ALDH3A2: variants seen among roughly 807,000 people sequenced by gnomAD.
ALDH3A2 encodes the protein aldehyde dehydrogenase 3 family member A2.
In ALDH3A2, 36 loss-of-function variants were observed where a neutral mutation model predicts 51.3. The observed-to-expected ratio is 0.70, with a 90% CI of 0.54 to 0.93. The LOEUF (loss-of-function observed/expected upper bound fraction) is 0.93. ALDH3A2 is among the 40% of genes least tolerant of loss of function. The pLI, the probability that ALDH3A2 is intolerant of heterozygous loss-of-function variation, is 0.00. For missense variants in ALDH3A2, 552 were observed against 603.1 expected, an observed-to-expected ratio of 0.92 and a Z score of 0.89; for synonymous variants, 199 against 219.8, an observed-to-expected ratio of 0.91 and a Z score of 0.84.
chr17:19,669,495 G>A (rs1242579235), intron 8 of ALDH3A2, among the ~76,000 whole-genome samples: 1 of 152,052 alleles, frequency 6.6e-6, no homozygotes, highest in Non-Finnish European at 1.5e-5. Context: ...CTCATTGGTT[G>A]CATTATCTTT....
chr17:19,656,213 C>T, intron 3 of ALDH3A2, 153 bp from the exon 4 acceptor site: 1 of 752,444 alleles, frequency 1.3e-6, no homozygotes, highest in East Asian at 2.7e-5. Context: ...TCCTCTTGTC[C>T]TTGGTCAGTT....
At chr17:19,663,583 C>A in intron 7 of ALDH3A2, 84 bp downstream of exon 7, 4 of 1,435,280 alleles carry the variant, frequency 2.8e-6, no homozygotes, top group Non-Finnish European at 3.9e-6. Flanking sequence ...ATGCAAAAAA[C>A]AATGTGAAAC....
At chr17:19,651,113 GA>G (rs1216539685) in intron 1 of ALDH3A2, among the ~76,000 whole-genome samples, 7 of 152,348 alleles carry the variant, frequency 4.6e-5, no homozygotes, top group African/African-American at 1.4e-4. Flanking sequence ...ATACACAGAT[GA>G]AATGTGAGTG....
chr17:19,651,299 C>T (rs1014391265), intron 1 of ALDH3A2, among the ~76,000 whole-genome samples: 2 of 152,174 alleles, frequency 1.3e-5, no homozygotes, highest in African/African-American at 4.8e-5. Context: ...GAAGGATTTA[C>T]TAATGGTATT....
Position 19,665,048 on chromosome 17 carries a change from G to A in ALDH3A2, c.1207+1G>A. 1.9e-6 allele frequency: 3 copies of A among 1,612,224 alleles called. No homozygotes were observed. Among genetic ancestry groups the A allele is most frequent in the Non-Finnish European group, 2.5e-6 (3 of 1,178,346 alleles). On this transcript the variant is annotated splice_donor_variant, in intron 8 of 9. Transcript: ENST00000176643. LOFTEE classifies it high-confidence loss of function. ...AACTCTTTCCCATTTGGAGGAGTGG[G>A]TGAGTCTTATTTTCTCCTGCTTGTA...
At chr17:19,651,905 T>C (rs2084821516) in intron 2 of ALDH3A2, 127 bp downstream of exon 2, 1 of 859,628 alleles carries the variant, frequency 1.2e-6, no homozygotes, top group Non-Finnish European at 1.9e-6. Context: ...ACACCACCAG[T>C]GTACTGAGAA....
In ALDH3A2 at chr17:19,677,246, G is replaced by GAAT. The variant is rs1478481335; in HGVS notation, c.*1678_*1680dup. 1.3e-4 allele frequency: 20 copies of GAAT among 152,304 alleles called. No homozygotes were observed. The highest frequency in any genetic ancestry group is 4.3e-4 in the African/African-American group (18 of 41,574). The allele number at this position is 152,304 out of a possible 1,614,324, so 9.4% of individuals were successfully genotyped here. A position where few individuals can be genotyped will look rare whatever the true frequency, so the allele number is the denominator to read the frequency against. On this transcript the variant is annotated 3_prime_UTR_variant, in exon 10 of 10. Coordinates refer to ENST00000176643, the MANE Select transcript of ALDH3A2 (RefSeq NM_000382.3). ...TATAGAACGTATAATCAACTTTGTT[G>GAAT]AATAATTTGTTCTATTAAGGCTGTC...
chr17:19,675,312 G>C (rs1441253248), intron 9 of ALDH3A2: 1 of 544,724 alleles, frequency 1.8e-6, no homozygotes, highest in African/African-American at 1.9e-5. Context: ...ACAGAATATA[G>C]CCTTCATTAT....
In ALDH3A2 at chr17:19,658,137, C is replaced by T. The variant is rs139916061; in HGVS notation, c.798+275C>T. 1.2e-3 allele frequency among the ~76,000 whole-genome samples: 183 copies of T among 152,200 alleles called. 1 individual carries two copies. Among genetic ancestry groups the T allele is most frequent in the African/African-American group, 4.2e-3 (175 of 41,516 alleles). On this transcript the variant is annotated intron_variant, in intron 5 of 9. Transcript: ENST00000176643. ...ACTTTTTTTAAAAAAGTTAAATAATCGTGTGTCCGTGGTTTTGAGGGAATG... is the reference window on the plus strand; with the variant it reads ...ACTTTTTTTAAAAAAGTTAAATAATTGTGTGTCCGTGGTTTTGAGGGAATG...
At chr17:19,666,680 G>A (rs2085041807) in intron 8 of ALDH3A2, among the ~76,000 whole-genome samples, 1 of 152,006 alleles carries the variant, frequency 6.6e-6, no homozygotes, top group Non-Finnish European at 1.5e-5. Context: ...GGGAGGCTGA[G>A]GCAGGAGAAT....
At chr17:19,658,168 A>G (rs1355703079) in intron 5 of ALDH3A2, among the ~76,000 whole-genome samples, 1 of 152,240 alleles carries the variant, frequency 6.6e-6, no homozygotes, top group African/African-American at 2.4e-5. Flanking sequence ...GAATGTTGCC[A>G]ACCCTTTAGG....
Position 19,657,736 on chromosome 17 carries a change from TC to T in ALDH3A2, c.681-5del. On this transcript the variant is annotated splice_polypyrimidine_tract_variant and splice_region_variant and intron_variant, in intron 4 of 9. Transcript: ENST00000176643. ...AATTATATAGCTGTTCTGGATGTTT[TC>T]CCCTCAGACGCATAACCTGGGGAAA... 6.3e-7 allele frequency: 1 copy of T among 1,577,926 alleles called. No individual in the cohort carries two copies. The highest frequency in any genetic ancestry group is 8.7e-7 in the Non-Finnish European group (1 of 1,147,166).
chr17:19,665,053 T>A lies in ALDH3A2; in HGVS notation c.1207+6T>A, dbSNP rs745351327. 1 of 1,606,320 alleles carries A rather than the reference T, an allele frequency of 6.2e-7. No homozygotes were observed. The highest frequency in any genetic ancestry group is 8.5e-7 in the Non-Finnish European group (1 of 1,173,212). ...TTTCCCATTTGGAGGAGTGGGTGAG[T>A]CTTATTTTCTCCTGCTTGTAGTAGA... On this transcript the variant is annotated splice_donor_region_variant and intron_variant, in intron 8 of 9. Transcript: ENST00000176643.
rs1376139403 is a variant in ALDH3A2 at position 19,675,975 on chromosome 17, C to T, written c.*403C>T. 5 of 272,136 alleles carry T rather than the reference C, an allele frequency of 1.8e-5. No homozygotes were observed. The highest frequency in any genetic ancestry group is 9.9e-5 in the East Asian group (1 of 10,100). The allele number at this position is 272,136 out of a possible 1,614,324, so 16.9% of individuals were successfully genotyped here. A position where few individuals can be genotyped will look rare whatever the true frequency, so the allele number is the denominator to read the frequency against. ...GTGTGAAGCTTTCAAGAGCTTGGTA[C>T]TTCCCAGGGCTACCGGCAGTCCTCT... On this transcript the variant is annotated 3_prime_UTR_variant, in exon 10 of 10. Coordinates refer to ENST00000176643, the MANE Select transcript of ALDH3A2 (RefSeq NM_000382.3).
At chr17:19,662,894 A>G in intron 6 of ALDH3A2, among the ~76,000 whole-genome samples, 1 of 151,990 alleles carries the variant, frequency 6.6e-6, no homozygotes, top group Non-Finnish European at 1.5e-5. Context: ...AATCCCAGCT[A>G]CTCGGGAGGC....
chr17:19,657,284 G>C (rs945501051), intron 4 of ALDH3A2, among the ~76,000 whole-genome samples: 1 of 152,254 alleles, frequency 6.6e-6, no homozygotes, highest in Non-Finnish European at 1.5e-5. Context: ...GTGGGGCAGG[G>C]CTCCACAAAG....
intron 5 of ALDH3A2, among the ~76,000 whole-genome samples, chr17:19,660,566 A>G (rs2084953215): frequency 6.6e-6 from 1 of 152,250 alleles, no homozygotes; most frequent in South Asian, 2.1e-4. Flanking sequence ...CCAAAGCTGT[A>G]TTTTGATCCT....
intron 9 of ALDH3A2, chr17:19,675,213 A>C (rs901273231): frequency 1.2e-5 from 3 of 255,448 alleles, no homozygotes; most frequent in Middle Eastern, 1.3e-3. Flanking sequence ...TTCCATGTAG[A>C]GACTTCAGCT....
At chr17:19,670,307 C>T (rs2085095270) in intron 8 of ALDH3A2, among the ~76,000 whole-genome samples, 1 of 151,912 alleles carries the variant, frequency 6.6e-6, no homozygotes, top group Non-Finnish European at 1.5e-5. Context: ...TATGTTATAT[C>T]ATCTCTTCAT....
Sources: allele counts gnomAD v4.1 joint callset (sites outside exome capture counted in the v4.1 genomes callset), GRCh38; gene constraint gnomAD v4.1.1; transcripts MANE v1.5; gene names NCBI Gene and HGNC (gene_info 2026-07-23, HGNC 2026-07-21).